POLK: variants seen among roughly 807,000 people sequenced by gnomAD.
POLK encodes the protein DNA polymerase kappa.
In POLK, 76 loss-of-function variants were observed where a neutral mutation model predicts 94.0. That is an observed-to-expected ratio of 0.81 (90% CI 0.67 to 0.98). The LOEUF (loss-of-function observed/expected upper bound fraction) is 0.98, where lower values mean the gene tolerates loss of function less well. POLK is among the 50% of genes least tolerant of loss of function. The pLI is 0.00. For synonymous variants in POLK, 349 were observed against 325.4 expected (o/e 1.07, Z -0.78); for missense variants, 954 against 1,010.1 (o/e 0.94, Z 0.75).
At chr5:75,523,736 A>G (rs1768695530) in intron 1 of POLK, among the ~76,000 whole-genome samples, 1 of 152,188 alleles carries the variant, frequency 6.6e-6, no homozygotes, top group African/African-American at 2.4e-5. Context: ...TTTTCACTTG[A>G]GAGTGTTTTT....
At chr5:75,608,316 C>T in the POLK span, among the ~76,000 whole-genome samples, 1 of 152,022 alleles carries the variant, frequency 6.6e-6, no homozygotes. Flanking sequence ...ATCTCAGCTT[C>T]CCAAGTAGCT....
intron 1 of POLK, among the ~76,000 whole-genome samples, chr5:75,520,475 G>T (rs1246642333): frequency 6.6e-6 from 1 of 152,132 alleles, no homozygotes; most frequent in African/African-American, 2.4e-5. Flanking sequence ...GCTCACTGTA[G>T]TCTCGAACTC....
chr5:75,569,628 A>G (rs1771480360), intron 4 of POLK, 136 bp downstream of exon 4: 5 of 688,638 alleles, frequency 7.3e-6, no homozygotes, highest in Middle Eastern at 4.0e-4. Flanking sequence ...ATATGACTCA[A>G]TTACTGAATC....
At chr5:75,527,641 C>T (rs1269057468) in intron 1 of POLK, among the ~76,000 whole-genome samples, 1 of 151,698 alleles carries the variant, frequency 6.6e-6, no homozygotes, top group Admixed American at 6.6e-5. Flanking sequence ...TGTTGACATA[C>T]CTGCTTTTCT....
chr5:75,524,678 G>A (rs972756250), intron 1 of POLK, among the ~76,000 whole-genome samples: 5 of 152,072 alleles, frequency 3.3e-5, no homozygotes, highest in African/African-American at 1.2e-4. Flanking sequence ...AGATTTTGGA[G>A]GGTATCAAAC....
At chr5:75,568,484 CT>C (rs1771404147) in intron 3 of POLK, among the ~76,000 whole-genome samples, 1 of 152,206 alleles carries the variant, frequency 6.6e-6, no homozygotes, top group Admixed American at 6.5e-5. Flanking sequence ...TGCAAAATCA[CT>C]TTTCTTACTT....
chr5:75,584,999 G>T, intron 9 of POLK, 73 bp downstream of exon 9: 1 of 896,716 alleles, frequency 1.1e-6, no homozygotes. Flanking sequence ...ATTGAGATGA[G>T]GCTATATGGA....
chr5:75,550,693 T>C (rs535979836), intron 2 of POLK, among the ~76,000 whole-genome samples: 1 of 152,266 alleles, frequency 6.6e-6, no homozygotes, highest in Non-Finnish European at 1.5e-5. Context: ...AAAAGCATAT[T>C]TGATAAAATC....
At chr5:75,528,988 A>G (rs1404724680) in intron 1 of POLK, among the ~76,000 whole-genome samples, 1 of 152,238 alleles carries the variant, frequency 6.6e-6, no homozygotes, top group African/African-American at 2.4e-5. Context: ...ATGGCATAGC[A>G]TTTACATATA....
intron 1 of POLK, among the ~76,000 whole-genome samples, chr5:75,535,260 T>A (rs1185518401): frequency 6.6e-6 from 1 of 152,202 alleles, no homozygotes; most frequent in Admixed American, 6.5e-5. Flanking sequence ...AATTTTTTTT[T>A]AAAGAATGCT....
At chr5:75,603,931 G>T (rs892412148), downstream of POLK, among the ~76,000 whole-genome samples, 3 of 152,152 alleles carry the variant, frequency 2.0e-5, no homozygotes, top group African/African-American at 7.2e-5. Flanking sequence ...CATGGCCCCC[G>T]ATGTTGGTTT....
chr5:75,587,200 G>A, intron 10 of POLK, 142 bp downstream of exon 10: 1 of 527,036 alleles, frequency 1.9e-6, no homozygotes, highest in East Asian at 3.3e-5. Flanking sequence ...TACACTCCCT[G>A]CAATAAATGC....
At chr5:75,590,784 T>A (rs1003590329) in intron 11 of POLK, among the ~76,000 whole-genome samples, 2 of 152,190 alleles carry the variant, frequency 1.3e-5, no homozygotes, top group African/African-American at 4.8e-5. Context: ...TCCAGAGAAT[T>A]GTATTCACAT....
the POLK span, chr5:75,609,018 A>G: frequency 6.6e-6 from 1 of 152,244 alleles, no homozygotes; most frequent in Non-Finnish European, 1.5e-5. Flanking sequence ...TCAGGGAAAT[A>G]AAGTCCAGCT....
chr5:75,594,331 C>T (rs1444896290), intron 12 of POLK, among the ~76,000 whole-genome samples: 3 of 152,212 alleles, frequency 2.0e-5, no homozygotes, highest in African/African-American at 7.2e-5. Context: ...ACTCAATGAG[C>T]ACCTGTATTC....
chr5:75,511,932 G>T lies in POLK; in HGVS notation c.-14+18G>T. The T allele has an allele frequency of 1.9e-6, 2 of 1,078,492 alleles. No individual in the cohort carries two copies. The highest frequency in any genetic ancestry group is 2.7e-6 in the Non-Finnish European group (2 of 752,292). The allele number at this position is 1,078,492 out of a possible 1,614,324, so 66.8% of individuals were successfully genotyped here. A position where few individuals can be genotyped will look rare whatever the true frequency, so the allele number is the denominator to read the frequency against. ...GGTAACGGGTGAGTATCCCGCGCGG[G>T]GATCGCTTGTCCCCTTGGGGCCTTG... On this transcript the variant is annotated intron_variant, in intron 1 of 14. Coordinates refer to ENST00000241436, the Ensembl canonical transcript of POLK.
intron 1 of POLK, among the ~76,000 whole-genome samples, chr5:75,538,275 C>T (rs1442090759): frequency 6.6e-6 from 1 of 152,058 alleles, no homozygotes; most frequent in Non-Finnish European, 1.5e-5. Flanking sequence ...TTTTTAAAGT[C>T]TTCTTAAAAT....
chr5:75,590,484 A>G, intron 11 of POLK, 44 bp downstream of exon 11: 1 of 1,056,298 alleles, frequency 9.5e-7, no homozygotes, highest in South Asian at 1.3e-5. Flanking sequence ...AAGTTTTTTA[A>G]TAGTAAAATG....
At chr5:75,590,292 T>A (rs1772712100) in intron 10 of POLK, 52 bp from the exon 11 acceptor site, 1 of 965,158 alleles carries the variant, frequency 1.0e-6, no homozygotes, top group South Asian at 1.9e-5. Flanking sequence ...ATTTCCAAAT[T>A]ATCCTGGATT....
Sources: gnomAD v4.1 joint callset for allele counts (sites outside exome capture counted in the v4.1 genomes callset) on GRCh38, gnomAD v4.1.1 for gene constraint, MANE v1.5 for transcripts, NCBI Gene and HGNC (gene_info 2026-07-23, HGNC 2026-07-21) for gene names.